Variants in NAV3 observed in about 807,000 individuals in gnomAD.
NAV3 encodes pore membrane and/or filament interacting like protein 1.
Under a neutral mutation model 244.7 loss-of-function variants are expected in NAV3, and 87 were observed. The ratio of observed to expected loss-of-function variants is 0.36; its 90% confidence interval spans 0.30 to 0.42. The LOEUF (loss-of-function observed/expected upper bound fraction) is 0.42, where lower values mean the gene tolerates loss of function less well. Among genes scored for constraint, NAV3 ranks in the 20% least tolerant of loss-of-function variants. NAV3 has a pLI of 1.00. For missense variants in NAV3, 2,663 were observed against 2,893.3 expected, an observed-to-expected ratio of 0.92 and a Z score of 1.83; for synonymous variants, 1,126 against 1,042.2, an observed-to-expected ratio of 1.08 and a Z score of -1.55.
chr12:77,691,509 A>G (rs920100224), intron 2 of NAV3, among the ~76,000 whole-genome samples: 1 of 150,768 alleles, frequency 6.6e-6, no homozygotes, highest in Admixed American at 6.6e-5. Context: ...AGTAATCCTT[A>G]TTATAGTTAT....
intron 2 of NAV3, among the ~76,000 whole-genome samples, chr12:77,750,856 T>C (rs1868815979): frequency 6.6e-6 from 1 of 152,212 alleles, no homozygotes; most frequent in South Asian, 2.1e-4. Flanking sequence ...CAGCAAGTGA[T>C]AATCAATTTT....
At chr12:77,863,888 G>T (rs933088962) in intron 1 of NAV3, among the ~76,000 whole-genome samples, 1 of 151,798 alleles carries the variant, frequency 6.6e-6, no homozygotes, top group South Asian at 2.1e-4. Context: ...TTATAATAGG[G>T]TTATAAAATC....
intron 2 of NAV3, among the ~76,000 whole-genome samples, chr12:77,780,479 G>C (rs749920415): frequency 2.4e-4 from 36 of 152,298 alleles, no homozygotes; most frequent in Non-Finnish European, 4.6e-4. Context: ...TAAAGGTCAA[G>C]ATTATACAAC....
At chr12:77,938,943 T>TGC (rs1889597401) in intron 1 of NAV3, among the ~76,000 whole-genome samples, 1 of 151,394 alleles carries the variant, frequency 6.6e-6, no homozygotes. Context: ...TGTGTGTGTG[T>TGC]GTGTGTGTGT....
chr12:77,617,213 A>G (rs1482226194), intron 2 of NAV3, among the ~76,000 whole-genome samples: 1 of 152,196 alleles, frequency 6.6e-6, no homozygotes, highest in Non-Finnish European at 1.5e-5. Flanking sequence ...TGATATTTTT[A>G]AAGTTTTGAT....
intron 2 of NAV3, among the ~76,000 whole-genome samples, chr12:77,671,560 A>G (rs1328088063): frequency 6.6e-6 from 1 of 152,190 alleles, no homozygotes; most frequent in African/African-American, 2.4e-5. Context: ...TGGTATAAAA[A>G]TAGGCACCTA....
chr12:77,774,889 T>C (rs1447528014), intron 2 of NAV3, among the ~76,000 whole-genome samples: 1 of 152,250 alleles, frequency 6.6e-6, no homozygotes, highest in African/African-American at 2.4e-5. Flanking sequence ...CAAAGACTTA[T>C]AAAGCCAAGG....
chr12:77,890,547 T>C (rs1277916837), intron 1 of NAV3, among the ~76,000 whole-genome samples: 3 of 152,228 alleles, frequency 2.0e-5, no homozygotes, highest in Admixed American at 6.5e-5. Context: ...TTGTATTTGC[T>C]TCCTACATGG....
chr12:78,006,337 T>C (rs1874211763), intron 7 of NAV3, 82 bp from the exon 8 acceptor site: 9 of 1,265,118 alleles, frequency 7.1e-6, no homozygotes, highest in Non-Finnish European at 8.8e-6. Flanking sequence ...TATCCATCAA[T>C]AGTTTGGAAG....
At chr12:78,137,872 A>G (rs1226914804) in intron 19 of NAV3, among the ~76,000 whole-genome samples, 1 of 152,172 alleles carries the variant, frequency 6.6e-6, no homozygotes, top group South Asian at 2.1e-4. Flanking sequence ...TGGCAATAAA[A>G]TTGTCACCTA....
At chr12:78,143,324 T>A (rs918677723) in intron 20 of NAV3, 1 of 452,652 alleles carries the variant, frequency 2.2e-6, no homozygotes. Flanking sequence ...AAACTTATGG[T>A]TTTTGTGTTT....
intron 3 of NAV3, among the ~76,000 whole-genome samples, chr12:77,964,000 C>G (rs972507782): frequency 6.9e-6 from 1 of 144,660 alleles, no homozygotes; most frequent in African/African-American, 2.5e-5. Flanking sequence ...CCTCCCTCCT[C>G]CCTCCTCCTC....
At chr12:78,153,837 G>C (rs1337882328) in intron 22 of NAV3, among the ~76,000 whole-genome samples, 1 of 151,388 alleles carries the variant, frequency 6.6e-6, no homozygotes, top group African/African-American at 2.4e-5. Context: ...TTGCTTTTTT[G>C]CATCTCTTCT....
At chr12:77,674,047 G>A (rs1208262213) in intron 2 of NAV3, among the ~76,000 whole-genome samples, 1 of 151,984 alleles carries the variant, frequency 6.6e-6, no homozygotes, top group Non-Finnish European at 1.5e-5. Flanking sequence ...CATTTCCAAA[G>A]GAGTCTTAAA....
intron 2 of NAV3, among the ~76,000 whole-genome samples, chr12:77,590,987 G>C (rs1869879204): frequency 6.6e-6 from 1 of 152,172 alleles, no homozygotes; most frequent in Non-Finnish European, 1.5e-5. Flanking sequence ...TGTAAGAATG[G>C]CTCAGGAAAT....
intron 2 of NAV3, among the ~76,000 whole-genome samples, chr12:77,708,041 G>C (rs1007135957): frequency 2.2e-4 from 34 of 152,258 alleles, no homozygotes; most frequent in South Asian, 1.0e-3. Context: ...TTCTTTTGCT[G>C]TGCAGAAGCT....
At chr12:77,789,165 G>A (rs1240051912) in intron 2 of NAV3, among the ~76,000 whole-genome samples, 1 of 152,096 alleles carries the variant, frequency 6.6e-6, no homozygotes, top group African/African-American at 2.4e-5. Flanking sequence ...CCCTTAATCA[G>A]ATCCAAAATC....
intron 38 of NAV3, among the ~76,000 whole-genome samples, chr12:78,203,258 A>G (rs1001252721): frequency 2.0e-4 from 31 of 152,164 alleles, no homozygotes; most frequent in Admixed American, 1.4e-3. Flanking sequence ...GCTGTCCTGG[A>G]TGGTTCTTTA....
intron 9 of NAV3, among the ~76,000 whole-genome samples, chr12:78,041,088 G>A (rs1425875742): frequency 6.6e-6 from 1 of 152,140 alleles, no homozygotes; most frequent in Non-Finnish European, 1.5e-5. Context: ...GGAAGAATGT[G>A]ATCAGTCTCA....
Sources: allele counts gnomAD v4.1 joint callset (sites outside exome capture counted in the v4.1 genomes callset), GRCh38; gene constraint gnomAD v4.1.1; transcripts MANE v1.5; gene names NCBI Gene and HGNC (gene_info 2026-07-23, HGNC 2026-07-21).